ACAP2: variants seen among roughly 807,000 people sequenced by gnomAD.
ACAP2 encodes arf-GAP with coiled-coil, ANK repeat and PH domain-containing protein 2.
ACAP2 carries 39 observed loss-of-function variants against 115.8 expected under a neutral mutation model. The observed-to-expected ratio is 0.34, with a 90% CI of 0.26 to 0.44. The LOEUF (loss-of-function observed/expected upper bound fraction) is 0.44. ACAP2 is among the 20% of genes least tolerant of loss of function. The pLI, the probability that ACAP2 is intolerant of heterozygous loss-of-function variation, is 1.00. For synonymous variants in ACAP2, 289 were observed against 315.8 expected, an observed-to-expected ratio of 0.92 and a Z score of 0.90; for missense variants, 662 against 927.6, an observed-to-expected ratio of 0.71 and a Z score of 3.72.
chr3:195,302,443 CAG>C (rs113005881), intron 13 of ACAP2, among the ~76,000 whole-genome samples: 2 of 152,030 alleles, frequency 1.3e-5, no homozygotes, highest in Non-Finnish European at 2.9e-5. Context: ...AAGATGAAGA[CAG>C]AAAGGGAACA....
intron 1 of ACAP2, among the ~76,000 whole-genome samples, chr3:195,399,993 A>C (rs1712135190): frequency 6.6e-6 from 1 of 152,012 alleles, no homozygotes; most frequent in Non-Finnish European, 1.5e-5. Context: ...AGCCTGACCA[A>C]CATGATGAAA....
intron 13 of ACAP2, among the ~76,000 whole-genome samples, chr3:195,303,014 G>C (rs375034761): frequency 7.8e-4 from 119 of 152,224 alleles, no homozygotes; most frequent in Non-Finnish European, 1.3e-3. Context: ...AGGAGTTCAA[G>C]ACCAGCCTGG....
intron 1 of ACAP2, among the ~76,000 whole-genome samples, chr3:195,431,617 T>C (rs1482429105): frequency 6.6e-6 from 1 of 151,414 alleles, no homozygotes; most frequent in Non-Finnish European, 1.5e-5. Flanking sequence ...TTTTTTTTTT[T>C]TTTGTATTTT....
chr3:195,385,621 A>G (rs771047487), intron 2 of ACAP2, among the ~76,000 whole-genome samples: 4 of 152,028 alleles, frequency 2.6e-5, no homozygotes, highest in Non-Finnish European at 5.9e-5. Flanking sequence ...AAGAAGAGAC[A>G]AGGTCATCTG....
intron 2 of ACAP2, among the ~76,000 whole-genome samples, chr3:195,389,179 T>C (rs1734494529): frequency 6.6e-6 from 1 of 152,160 alleles, no homozygotes; most frequent in Non-Finnish European, 1.5e-5. Context: ...TAAGACAGAC[T>C]CTAGAACGGG....
chr3:195,292,202 A>G, intron 19 of ACAP2, 63 bp downstream of exon 19: 1 of 1,494,892 alleles, frequency 6.7e-7, no homozygotes, highest in Non-Finnish European at 8.9e-7. Flanking sequence ...CCAGTTCAGA[A>G]CATATTATGA....
At chr3:195,378,055 A>AGAGG (rs71982948) in intron 4 of ACAP2, among the ~76,000 whole-genome samples, 21 of 143,628 alleles carry the variant, frequency 1.5e-4, no homozygotes, top group African/African-American at 2.8e-4. Flanking sequence ...GTGAAAAAGA[A>AGAGG]GAGGGAGGGA....
chr3:195,370,002 ATT>A (rs1733011760), intron 4 of ACAP2, among the ~76,000 whole-genome samples: 1 of 152,148 alleles, frequency 6.6e-6, no homozygotes, highest in African/African-American at 2.4e-5. Flanking sequence ...CATTTCTCTA[ATT>A]ATTAGTGATA....
At chr3:195,432,255 A>G (rs898771736) in intron 1 of ACAP2, among the ~76,000 whole-genome samples, 1 of 152,186 alleles carries the variant, frequency 6.6e-6, no homozygotes, top group Non-Finnish European at 1.5e-5. Context: ...TACCTAAGAA[A>G]CCATTGCCTA....
intron 4 of ACAP2, among the ~76,000 whole-genome samples, chr3:195,364,252 T>A (rs1055698961): frequency 2.6e-5 from 4 of 151,946 alleles, no homozygotes; most frequent in African/African-American, 9.7e-5. Flanking sequence ...TAGGAAAAAA[T>A]CTAATAATCT....
chr3:195,428,303 GATAT>G (rs1403495702), intron 1 of ACAP2, among the ~76,000 whole-genome samples: 1 of 148,130 alleles, frequency 6.8e-6, no homozygotes, highest in African/African-American at 2.5e-5. Flanking sequence ...TACATACATA[GATAT>G]ATATACACTC....
At chr3:195,415,935 A>G (rs976797699) in intron 1 of ACAP2, among the ~76,000 whole-genome samples, 1 of 152,190 alleles carries the variant, frequency 6.6e-6, no homozygotes, top group Non-Finnish European at 1.5e-5. Context: ...GGATTAGACT[A>G]TCTACAAATT....
At chr3:195,438,651 A>C (rs1373815239) in intron 1 of ACAP2, among the ~76,000 whole-genome samples, 1 of 152,120 alleles carries the variant, frequency 6.6e-6, no homozygotes, top group African/African-American at 2.4e-5. Flanking sequence ...CAGGAGAATC[A>C]CCTGAGTCCA....
chr3:195,416,429 T>G (rs150318002), intron 1 of ACAP2, among the ~76,000 whole-genome samples: 2 of 151,786 alleles, frequency 1.3e-5, no homozygotes, highest in Non-Finnish European at 2.9e-5. Context: ...TCCATCAGAT[T>G]AGCAAAAGTT....
chr3:195,363,292 A>G (rs919250364), intron 4 of ACAP2, among the ~76,000 whole-genome samples: 1 of 152,264 alleles, frequency 6.6e-6, no homozygotes, highest in African/African-American at 2.4e-5. Context: ...AATGTTGAAG[A>G]GGACACAAAT....
At chr3:195,411,256 T>G (rs963970401) in intron 1 of ACAP2, among the ~76,000 whole-genome samples, 2 of 152,238 alleles carry the variant, frequency 1.3e-5, no homozygotes, top group African/African-American at 2.4e-5. Flanking sequence ...AATTACCATG[T>G]GATCTAGCTA....
intron 4 of ACAP2, among the ~76,000 whole-genome samples, chr3:195,370,211 CT>C (rs1420586689): frequency 6.6e-6 from 1 of 152,172 alleles, no homozygotes; most frequent in Non-Finnish European, 1.5e-5. Context: ...TCTGTTTACT[CT>C]GTTGACAGTT....
intron 2 of ACAP2, among the ~76,000 whole-genome samples, chr3:195,389,918 G>A (rs1198920656): frequency 3.3e-5 from 5 of 152,370 alleles, no homozygotes; most frequent in South Asian, 4.1e-4. Flanking sequence ...CAGAGGGGCC[G>A]GGTGCAGTGG....
intron 4 of ACAP2, among the ~76,000 whole-genome samples, chr3:195,371,255 C>T (rs1385194384): frequency 6.6e-6 from 1 of 152,094 alleles, no homozygotes; most frequent in Non-Finnish European, 1.5e-5. Context: ...TTGTAATCCT[C>T]ATTATAGAGA....
Sources: gnomAD v4.1 joint callset for allele counts (sites outside exome capture counted in the v4.1 genomes callset) on GRCh38, gnomAD v4.1.1 for gene constraint, MANE v1.5 for transcripts, NCBI Gene and HGNC (gene_info 2026-07-23, HGNC 2026-07-21) for gene names.